CFHR2: variants seen among roughly 807,000 people sequenced by gnomAD.
The protein encoded by CFHR2 is complement factor H related 2, also known as complement factor H-related protein 2.
In CFHR2, 22 loss-of-function variants were observed where a neutral mutation model predicts 21.7. The ratio of observed to expected loss-of-function variants is 1.01; its 90% CI spans 0.72 to 1.45. CFHR2 has a LOEUF of 1.45. CFHR2 is among the 40% of genes most tolerant of loss of function. The pLI is 0.00. For synonymous variants in CFHR2, 98 were observed against 97.4 expected, an observed-to-expected ratio of 1.01 and a Z score of -0.04; for missense variants, 294 against 293.3, an observed-to-expected ratio of 1.00 and a Z score of -0.02.
chr1:196,951,414 A>G (rs1347705703), intron 3 of CFHR2, among the ~76,000 whole-genome samples: 1 of 152,192 alleles, frequency 6.6e-6, no homozygotes, highest in South Asian at 2.1e-4. Context: ...TTTAATATTT[A>G]TCTTTATTTA....
At chr1:196,953,482 C>T (rs1652732039) in intron 3 of CFHR2, among the ~76,000 whole-genome samples, 2 of 152,016 alleles carry the variant, frequency 1.3e-5, no homozygotes, top group African/African-American at 4.8e-5. Context: ...AGGGTTTCAC[C>T]AAATTGGCCA....
At chr1:196,947,524 A>G (rs111614114) in intron 1 of CFHR2, among the ~76,000 whole-genome samples, 3,058 of 152,286 alleles carry the variant, frequency 0.02, 105 homozygotes, top group African/African-American at 0.07. Context: ...AAACTATCTA[A>G]TGTCAAATTT....
Position 196,951,047 on chromosome 1 carries a change from T to G in CFHR2, c.430+19T>G, listed in dbSNP as rs560531327. On this transcript the variant is annotated intron_variant, in intron 3 of 4. Coordinates refer to ENST00000367415, the MANE Select transcript of CFHR2 (RefSeq NM_005666.4). ...TCCACTAGTAAGTGCAATGTTGTTC[T>G]CTCAGATGCTGTTATATTATAAAGT... The G allele has an allele frequency of 1.3e-5, 21 of 1,613,390 alleles. No homozygotes were observed. In the African/African-American group the frequency reaches 2.7e-4, roughly 20 times the overall value.
intron 3 of CFHR2, among the ~76,000 whole-genome samples, chr1:196,952,548 G>T (rs1197962554): frequency 6.6e-6 from 1 of 152,110 alleles, no homozygotes; most frequent in Non-Finnish European, 1.5e-5. Context: ...TGGGATGATG[G>T]CTATTGTCAG....
In CFHR2 at chr1:196,958,981, ATTTG is replaced by A; in HGVS notation, c.720_723del (p.Cys241AsnfsTer44). 6.2e-7 allele frequency: 1 copy of A among 1,611,604 alleles called. No homozygotes were observed. The highest frequency in any genetic ancestry group is 8.5e-7 in the Non-Finnish European group (1 of 1,178,182). On this transcript the variant is annotated frameshift_variant, in exon 5 of 5. Coordinates refer to ENST00000367415, the MANE Select transcript of CFHR2 (RefSeq NM_005666.4). LOFTEE classifies it low-confidence loss of function (END_TRUNC). ...ATTCAAGAACAGGTGACATAGTTGA[ATTTG>A]TTTGTAAATCTGGATATCATCCAAC...
chr1:196,946,425 A>G (rs1372498286), intron 1 of CFHR2, among the ~76,000 whole-genome samples: 1 of 152,096 alleles, frequency 6.6e-6, no homozygotes, highest in Non-Finnish European at 1.5e-5. Context: ...TTTTTACTTC[A>G]TCAACTTTAA....
At chr1:196,957,682 T>C (rs1355455933) in intron 3 of CFHR2, among the ~76,000 whole-genome samples, 1 of 152,196 alleles carries the variant, frequency 6.6e-6, no homozygotes, top group African/African-American at 2.4e-5. Context: ...AGTGTCATCT[T>C]TGTTAATGCT....
In CFHR2 at chr1:196,958,974, T is replaced by G; in HGVS notation, c.707T>G (p.Ile236Arg). ...QQKLYSRTGD[I>R]VEFVCKSGYH... ...AAGCTTTATTCAAGAACAGGTGACA[T>G]AGTTGAATTTGTTTGTAAATCTGGA... Residue 236 changes from isoleucine (I) to arginine (R), a missense_variant, in exon 5 of 5, where the codon ATA becomes AGA. Ile to Arg is a moderately conservative substitution (Grantham distance 97). Transcript: ENST00000367415. 6.2e-7 allele frequency: 1 copy of G among 1,609,898 alleles called. No homozygotes were observed. The highest frequency in any genetic ancestry group is 8.5e-7 in the Non-Finnish European group (1 of 1,176,670).
intron 3 of CFHR2, among the ~76,000 whole-genome samples, chr1:196,952,122 C>T (rs761695286): frequency 4.6e-5 from 7 of 152,100 alleles, no homozygotes; most frequent in Non-Finnish European, 8.8e-5. Context: ...TAATTTTAAA[C>T]CTCTAGAGCA....
Position 196,957,929 on chromosome 1 carries a change from A to C in CFHR2, c.469A>C (p.Asn157His), listed in dbSNP as rs150731893. The C allele has an allele frequency of 1.2e-6, 2 of 1,613,354 alleles. No individual in the cohort carries two copies. The highest frequency in any genetic ancestry group is 1.7e-6 in the Non-Finnish European group (2 of 1,179,480). Reference sequence around the variant, plus strand: ...ATGTGGGCCCCCTCCACCTATTGACAATGGAGACATTACTTCATTCCTGTT... The same window carrying C: ...ATGTGGGCCCCCTCCACCTATTGACCATGGAGACATTACTTCATTCCTGTT... Reference protein sequence around the residue: ...EKCGPPPPIDNGDITSFLLSV... With the variant: ...EKCGPPPPIDHGDITSFLLSV... Residue 157 changes from asparagine (N) to histidine (H), a missense_variant, in exon 4 of 5, where the codon AAT becomes CAT. By Grantham distance (68) the Asn-to-His change is moderately conservative (BLOSUM62 1). Transcript: ENST00000367415.
intron 3 of CFHR2, among the ~76,000 whole-genome samples, chr1:196,951,398 A>G (rs527941281): frequency 7.2e-5 from 11 of 152,222 alleles, no homozygotes; most frequent in South Asian, 2.1e-4. Flanking sequence ...TATAAGTAAG[A>G]CAGCATTTAA....
At chr1:196,957,741 G>A (rs1420102242) in intron 3 of CFHR2, 150 bp from the exon 4 acceptor site, 2 of 681,464 alleles carry the variant, frequency 2.9e-6, no homozygotes, top group Non-Finnish European at 4.9e-6. Context: ...TTAACTTTCA[G>A]TTTGTAGGAT....
intron 3 of CFHR2, among the ~76,000 whole-genome samples, chr1:196,957,510 T>C (rs1652936217): frequency 6.6e-6 from 1 of 152,126 alleles, no homozygotes; most frequent in Non-Finnish European, 1.5e-5. Context: ...AATGTTTCTT[T>C]TGTAAGGCAA....
intron 1 of CFHR2, among the ~76,000 whole-genome samples, chr1:196,944,634 A>G (rs534415732): frequency 3.1e-4 from 47 of 152,034 alleles, no homozygotes; most frequent in African/African-American, 1.1e-3. Flanking sequence ...AATCTCTACC[A>G]AGGTCTAGGA....
chr1:196,949,510 A>G lies in CFHR2; in HGVS notation c.114A>G (p.Lys38=), dbSNP rs143480813. The G allele has an allele frequency of 1.3e-4, 206 of 1,613,946 alleles. No homozygotes were observed. In the African/African-American group the frequency reaches 2.2e-3, roughly 18 times the overall value. The change falls in exon 2 of 5, where the codon AAA becomes AAG. Residue 38 remains lysine, a synonymous_variant. Transcript: ENST00000367415. ...ATGGAATTCTATATGATGAAGAAAA[A>G]TATAAGCCATTTTCCCAAGTTCCTA... ...INHGILYDEE[K]YKPFSQVPTG...
chr1:196,947,571 T>A (rs899873791), intron 1 of CFHR2, among the ~76,000 whole-genome samples: 2 of 152,152 alleles, frequency 1.3e-5, no homozygotes, highest in Admixed American at 1.3e-4. Flanking sequence ...TTTCACAAAG[T>A]GAAAATATTT....
In CFHR2 at chr1:196,948,283, AT is replaced by A. The variant is rs71286569; in HGVS notation, c.59-1164del. Among the ~76,000 whole-genome samples, 8 of 151,558 alleles carry A rather than the reference AT, an allele frequency of 5.3e-5. No homozygotes were observed. The East Asian group carries it at 7.8e-4, about 15-fold the overall frequency. On this transcript the variant is annotated intron_variant, in intron 1 of 4. Coordinates refer to ENST00000367415, the MANE Select transcript of CFHR2 (RefSeq NM_005666.4). ...AAACAATTTATTTTATTTTATTTTA[AT>A]TTTTTTTGAGGTAGAGTCTTGCTCT...
intron 3 of CFHR2, among the ~76,000 whole-genome samples, chr1:196,954,371 C>T (rs1021684523): frequency 3.9e-5 from 6 of 152,354 alleles, no homozygotes; most frequent in Non-Finnish European, 7.3e-5. Flanking sequence ...TTGCAGGGTT[C>T]AGCCCCCAGG....
At chr1:196,946,513 G>A (rs1388195059) in intron 1 of CFHR2, among the ~76,000 whole-genome samples, 7 of 151,858 alleles carry the variant, frequency 4.6e-5, no homozygotes, top group Admixed American at 3.3e-4. Context: ...TTCTGTTCTT[G>A]TGCTATAAGC....
Sources: gnomAD v4.1 joint callset for allele counts (sites outside exome capture counted in the v4.1 genomes callset) on GRCh38, gnomAD v4.1.1 for gene constraint, MANE v1.5 for transcripts, NCBI Gene and HGNC (gene_info 2026-07-23, HGNC 2026-07-21) for gene names.